MEI1: variants seen among roughly 807,000 people sequenced by gnomAD.
MEI1 encodes meiotic double-stranded break formation protein 1.
MEI1 carries 103 observed loss-of-function variants against 146.2 expected under a neutral mutation model. That is an observed-to-expected ratio of 0.70 (90% confidence interval 0.60 to 0.83). MEI1 has a LOEUF of 0.83. Among genes scored for constraint, MEI1 ranks in the 40% least tolerant of loss-of-function variants. The pLI, the probability that MEI1 is intolerant of heterozygous loss-of-function variation, is 0.00. For synonymous variants in MEI1, 652 were observed against 628.2 expected (o/e 1.04, Z -0.57); for missense variants, 1,529 against 1,533.0 (o/e 1.00, Z 0.04).
At chr22:41,760,837 A>G (rs1308284796) in intron 18 of MEI1, among the ~76,000 whole-genome samples, 1 of 152,212 alleles carries the variant, frequency 6.6e-6, no homozygotes, top group Non-Finnish European at 1.5e-5. Context: ...AATGCCTGAA[A>G]TATATGTGTA....
chr22:41,753,843 A>G (rs748116525), intron 16 of MEI1, 106 bp from the exon 17 acceptor site: 12 of 809,738 alleles, frequency 1.5e-5, no homozygotes, highest in Non-Finnish European at 2.3e-5. Context: ...GAATTTCACT[A>G]GCCTCTGGCA....
intron 6 of MEI1, 40 bp from the exon 7 acceptor site, chr22:41,723,902 GT>G: frequency 6.4e-7 from 1 of 1,562,430 alleles, no homozygotes; most frequent in Non-Finnish European, 8.7e-7. Context: ...TCTGGTGCCT[GT>G]GTTCCTCTTG....
At chr22:41,741,289 G>A (rs2072847906) in intron 11 of MEI1, among the ~76,000 whole-genome samples, 1 of 152,136 alleles carries the variant, frequency 6.6e-6, no homozygotes, top group Non-Finnish European at 1.5e-5. Context: ...AACTTCTGTT[G>A]TTTTAAGCCA....
chr22:41,778,960 C>G, intron 22 of MEI1, 148 bp downstream of exon 22: 1 of 604,406 alleles, frequency 1.7e-6, no homozygotes, highest in Non-Finnish European at 2.9e-6. Flanking sequence ...GGTTTTCTTG[C>G]TAAAGGACCT....
intron 6 of MEI1, among the ~76,000 whole-genome samples, chr22:41,722,310 A>G (rs896832762): frequency 1.3e-5 from 2 of 151,672 alleles, no homozygotes; most frequent in African/African-American, 4.8e-5. Flanking sequence ...TAATTTACTT[A>G]TTTTTAAAGA....
Position 41,752,560 on chromosome 22 carries a change from T to C in MEI1, c.1793-31T>C. 2 of 1,571,990 alleles carry C rather than the reference T, an allele frequency of 1.3e-6. 1 individual carries two copies. The highest frequency in any genetic ancestry group is 1.7e-6 in the Non-Finnish European group (2 of 1,156,914). On this transcript the variant is annotated intron_variant, in intron 15 of 30. Coordinates refer to ENST00000401548, the MANE Select transcript of MEI1 (RefSeq NM_152513.4). ...TCTCTGTGACAAGTCTGGTTTAAAC[T>C]GCTCTCTGCTTTATTCCCACTTCTC...
chr22:41,746,209 C>T (rs2073277138), intron 14 of MEI1, among the ~76,000 whole-genome samples, 183 bp downstream of exon 14: 1 of 152,142 alleles, frequency 6.6e-6, no homozygotes, highest in African/African-American at 2.4e-5. Context: ...GATTATGAAA[C>T]TAACAGGTTC....
At chr22:41,784,827 G>T in intron 26 of MEI1, 44 bp downstream of exon 26, 1 of 1,492,398 alleles carries the variant, frequency 6.7e-7, no homozygotes, top group Non-Finnish European at 9.0e-7. Context: ...CAGGACAACA[G>T]CAGGAAGGGG....
Position 41,743,174 on chromosome 22 carries a change from T to G in MEI1, c.1426T>G (p.Leu476Val). The G allele has an allele frequency of 6.2e-7, 1 of 1,613,072 alleles. No homozygotes were observed. The highest frequency in any genetic ancestry group is 8.5e-7 in the Non-Finnish European group (1 of 1,179,656). ...CCGATGTGCGGAGTTTTCCCAGACC[T>G]TGCTGAGCAGGAGGCCCCTGGTCAG... Reference protein sequence around the residue: ...LNRCAEFSQTLLSRRPLGHAS... With the variant: ...LNRCAEFSQTVLSRRPLGHAS... Residue 476 changes from leucine (L) to valine (V), a missense_variant, in exon 12 of 31, where the codon TTG becomes GTG. Leu to Val is a conservative substitution (Grantham distance 32, BLOSUM62 1). Transcript: ENST00000401548.
intron 26 of MEI1, among the ~76,000 whole-genome samples, chr22:41,785,823 C>G (rs1198419918): frequency 6.6e-6 from 1 of 151,904 alleles, no homozygotes; most frequent in Non-Finnish European, 1.5e-5. Context: ...TTCAGCCTCT[C>G]AAAGTGCTGG....
chr22:41,732,653 G>A (rs760177092), intron 11 of MEI1, 50 bp downstream of exon 11: 2 of 1,571,948 alleles, frequency 1.3e-6, no homozygotes, highest in East Asian at 2.3e-5. Flanking sequence ...ATACCTAAGG[G>A]CCTGTTGAGG....
intron 12 of MEI1, among the ~76,000 whole-genome samples, chr22:41,743,863 C>G (rs1167740090): frequency 6.6e-6 from 1 of 152,012 alleles, no homozygotes; most frequent in Non-Finnish European, 1.5e-5. Context: ...GTTAGGGTCC[C>G]TCCAACACTG....
At chr22:41,710,299 A>C (rs2069436178) in intron 3 of MEI1, among the ~76,000 whole-genome samples, 1 of 152,092 alleles carries the variant, frequency 6.6e-6, no homozygotes, top group African/African-American at 2.4e-5. Context: ...ACTGTGAGAA[A>C]ATTTCTGTTG....
chr22:41,794,119 G>T (rs2076284934), intron 27 of MEI1, among the ~76,000 whole-genome samples: 1 of 152,202 alleles, frequency 6.6e-6, no homozygotes, highest in Non-Finnish European at 1.5e-5. Flanking sequence ...CCCAACCAAG[G>T]TCACAATGCT....
At chr22:41,742,935 A>G (rs1377092425) in intron 11 of MEI1, 145 bp from the exon 12 acceptor site, 3 of 581,198 alleles carry the variant, frequency 5.2e-6, no homozygotes, top group Non-Finnish European at 6.3e-6. Context: ...GTGAGCCACC[A>G]TTCCTGGCCT....
intron 3 of MEI1, 88 bp downstream of exon 3, chr22:41,705,642 T>A (rs2069030587): frequency 1.7e-6 from 2 of 1,153,596 alleles, no homozygotes; most frequent in South Asian, 2.5e-5. Context: ...GGCGAAATTG[T>A]CTGTTTAGAC....
chr22:41,782,870 C>T (rs2075815726), intron 24 of MEI1, among the ~76,000 whole-genome samples: 1 of 152,316 alleles, frequency 6.6e-6, no homozygotes, highest in Admixed American at 6.5e-5. Context: ...TCCTAGCTAC[C>T]TCCAGTGCCC....
Position 41,716,155 on chromosome 22 carries a change from C to A in MEI1, c.529+9C>A. The A allele has an allele frequency of 6.3e-7, 1 of 1,588,286 alleles. No homozygotes were observed. The highest frequency in any genetic ancestry group is 8.6e-7 in the Non-Finnish European group (1 of 1,163,232). Reference sequence around the variant, plus strand: ...GCTTGTAATGGAGCATGGTGAGTGACCTGTGGGAGGAGCTGCCACTACCCT... The same window carrying A: ...GCTTGTAATGGAGCATGGTGAGTGAACTGTGGGAGGAGCTGCCACTACCCT... On this transcript the variant is annotated intron_variant, in intron 5 of 30. Coordinates refer to ENST00000401548, the MANE Select transcript of MEI1 (RefSeq NM_152513.4).
intron 30 of MEI1, 95 bp from the exon 31 acceptor site, chr22:41,799,159 C>A (rs1322583787): frequency 2.5e-6 from 3 of 1,195,060 alleles, no homozygotes; most frequent in Non-Finnish European, 3.7e-6. Flanking sequence ...TCTGTTCTTG[C>A]CTGACCATTC....
Sources: gnomAD v4.1 joint callset for allele counts (sites outside exome capture counted in the v4.1 genomes callset) on GRCh38, gnomAD v4.1.1 for gene constraint, MANE v1.5 for transcripts, NCBI Gene and HGNC (gene_info 2026-07-23, HGNC 2026-07-21) for gene names.